Variants in UBE3D observed in about 807,000 individuals in gnomAD.
The protein encoded by UBE3D is ubiquitin protein ligase E3D.
In UBE3D, 48 loss-of-function variants were observed where a neutral mutation model predicts 49.6. The ratio of observed to expected loss-of-function variants is 0.97; its 90% CI spans 0.77 to 1.23. The LOEUF (loss-of-function observed/expected upper bound fraction) is 1.23, where lower values mean the gene tolerates loss of function less well. UBE3D is among the 50% of genes most tolerant of loss of function. UBE3D has a pLI of 0.00. For synonymous variants in UBE3D, 189 were observed against 174.2 expected (o/e 1.08, Z -0.67); for missense variants, 452 against 468.4 (o/e 0.96, Z 0.32).
At chr6:82,999,231 T>C (rs1190755511) in intron 8 of UBE3D, among the ~76,000 whole-genome samples, 2 of 152,124 alleles carry the variant, frequency 1.3e-5, no homozygotes, top group Non-Finnish European at 2.9e-5. Flanking sequence ...TCTCCTTCTG[T>C]CCTGTTACAA....
intron 9 of UBE3D, among the ~76,000 whole-genome samples, chr6:82,913,574 C>T (rs1772687824): frequency 6.6e-6 from 1 of 152,192 alleles, no homozygotes; most frequent in Non-Finnish European, 1.5e-5. Flanking sequence ...TCACCATTAT[C>T]TTTTCCTCTA....
At chr6:82,901,035 G>A (rs1771692891) in intron 9 of UBE3D, among the ~76,000 whole-genome samples, 1 of 151,924 alleles carries the variant, frequency 6.6e-6, no homozygotes, top group African/African-American at 2.4e-5. Flanking sequence ...ACACAGAAAG[G>A]TACACACAAA....
At chr6:83,037,263 C>T (rs941183851) in intron 5 of UBE3D, 5 of 152,192 alleles carry the variant, frequency 3.3e-5, no homozygotes, top group African/African-American at 1.2e-4. Flanking sequence ...AGCTGCAGCT[C>T]CCTCCAGGCT....
At chr6:82,934,683 A>T (rs1304800213) in intron 9 of UBE3D, among the ~76,000 whole-genome samples, 1 of 151,870 alleles carries the variant, frequency 6.6e-6, no homozygotes, top group Non-Finnish European at 1.5e-5. Context: ...CAAGTAGAAG[A>T]ATAAGCACTT....
chr6:83,052,278 T>G (rs752400692), intron 3 of UBE3D, among the ~76,000 whole-genome samples: 3 of 152,200 alleles, frequency 2.0e-5, no homozygotes, highest in Admixed American at 1.3e-4. Context: ...TCTGTACTAC[T>G]AGACAGACTC....
At chr6:82,912,158 C>G (rs748811324) in intron 9 of UBE3D, among the ~76,000 whole-genome samples, 15 of 152,116 alleles carry the variant, frequency 9.9e-5, no homozygotes, top group Non-Finnish European at 2.2e-4. Context: ...CTCAAATGTA[C>G]TAAAAAGATT....
At chr6:82,886,504 C>G in the UBE3D span, among the ~76,000 whole-genome samples, 24 of 152,280 alleles carry the variant, frequency 1.6e-4, no homozygotes, top group African/African-American at 5.8e-4. Context: ...GGTCCATAGC[C>G]CGGGGGTTGG....
At chr6:83,061,786 CT>C (rs1784184251) in intron 1 of UBE3D, among the ~76,000 whole-genome samples, 1 of 152,150 alleles carries the variant, frequency 6.6e-6, no homozygotes, top group Admixed American at 6.5e-5. Context: ...CTTAGTTTGT[CT>C]TTTTGTTTAT....
chr6:83,043,557 A>G (rs564957952), intron 4 of UBE3D, among the ~76,000 whole-genome samples: 1 of 152,296 alleles, frequency 6.6e-6, no homozygotes, highest in African/African-American at 2.4e-5. Flanking sequence ...TCTCCCTCAG[A>G]ATAGTTCTAT....
At chr6:83,037,689 C>A (rs909607844) in intron 5 of UBE3D, 3 of 152,178 alleles carry the variant, frequency 2.0e-5, no homozygotes, top group Non-Finnish European at 4.4e-5. Context: ...AGTAATTATT[C>A]ATCATCCAAA....
intron 9 of UBE3D, among the ~76,000 whole-genome samples, chr6:82,907,691 G>A (rs78968457): frequency 0.024 from 3,614 of 152,314 alleles, 137 homozygotes; most frequent in African/African-American, 0.082. Context: ...ACCAAATGAT[G>A]TCACTGATGA....
intron 8 of UBE3D, among the ~76,000 whole-genome samples, chr6:82,972,033 C>A (rs146737512): frequency 6.6e-6 from 1 of 152,114 alleles, no homozygotes; most frequent in Non-Finnish European, 1.5e-5. Context: ...GGTGAAACCA[C>A]ATCTGGTTTC....
chr6:82,974,358 C>T (rs1262198618), intron 8 of UBE3D, among the ~76,000 whole-genome samples: 3 of 151,934 alleles, frequency 2.0e-5, no homozygotes. Flanking sequence ...GTTCCAGGAC[C>T]CCCCACAACA....
chr6:82,995,428 G>A (rs1479590777), intron 8 of UBE3D, among the ~76,000 whole-genome samples: 1 of 150,604 alleles, frequency 6.6e-6, no homozygotes, highest in Non-Finnish European at 1.5e-5. Flanking sequence ...TAATTTAAAA[G>A]TAAGTTATAG....
At chr6:83,018,795 A>G in intron 8 of UBE3D, 178 bp downstream of exon 8, 1 of 694,434 alleles carries the variant, frequency 1.4e-6, no homozygotes, top group Non-Finnish European at 2.3e-6. Flanking sequence ...GCATATTAAC[A>G]TGAATCATCT....
At chr6:83,051,409 G>A (rs1481400562) in intron 3 of UBE3D, among the ~76,000 whole-genome samples, 1 of 152,088 alleles carries the variant, frequency 6.6e-6, no homozygotes, top group African/African-American at 2.4e-5. Flanking sequence ...AAAAAATGGG[G>A]GCAACAGATA....
rs559123143 is a variant in UBE3D at position 83,015,294 on chromosome 6, C to G, written c.1010+3679G>C. The stretch of plus-strand genomic sequence containing the variant: ...GAGTAGATCTAGAGAGACTAATCCA[C>G]TCCACCATCCCAGTCTCCCTAAGCC... On this transcript the variant is annotated intron_variant, in intron 8 of 9. Transcript: ENST00000369747. 3.3e-5 allele frequency among the ~76,000 whole-genome samples: 5 copies of G among 152,266 alleles called. No homozygotes were observed. In the East Asian group the frequency reaches 9.7e-4, roughly 29 times the overall value.
chr6:82,995,162 G>C (rs542285700), intron 8 of UBE3D, among the ~76,000 whole-genome samples: 3 of 152,288 alleles, frequency 2.0e-5, no homozygotes, highest in Non-Finnish European at 4.4e-5. Context: ...CAAACCAGGA[G>C]AATGCCACGG....
chr6:82,942,622 C>T (rs1775096639), intron 9 of UBE3D, among the ~76,000 whole-genome samples: 2 of 152,224 alleles, frequency 1.3e-5, no homozygotes, highest in Admixed American at 1.3e-4. Context: ...ACGTACAGCT[C>T]AGGTCATTGT....
Sources: allele counts gnomAD v4.1 joint callset (sites outside exome capture counted in the v4.1 genomes callset), GRCh38; gene constraint gnomAD v4.1.1; transcripts MANE v1.5; gene names NCBI Gene and HGNC (gene_info 2026-07-23, HGNC 2026-07-21).